GLRA3: variants seen among roughly 807,000 people sequenced by gnomAD.
GLRA3 encodes glycine receptor alpha 3.
GLRA3 carries 44 observed loss-of-function variants against 60.4 expected under a neutral mutation model. The observed-to-expected ratio is 0.73, with a 90% confidence interval of 0.57 to 0.94. The LOEUF (loss-of-function observed/expected upper bound fraction) is 0.94. GLRA3 is among the 40% of genes least tolerant of loss of function. The probability of loss-of-function intolerance (pLI) is 0.00; values close to 1 mark genes in which losing one functional copy is unlikely to be tolerated. For synonymous variants in GLRA3, 223 were observed against 192.9 expected, an observed-to-expected ratio of 1.16 and a Z score of -1.29; for missense variants, 508 against 564.6, an observed-to-expected ratio of 0.90 and a Z score of 1.02.
At chr4:174,827,309 TACAAATTTAACCTCATTG>T (rs568678539) in intron 1 of GLRA3, among the ~76,000 whole-genome samples, 66 of 151,938 alleles carry the variant, frequency 4.3e-4, no homozygotes, top group Middle Eastern at 4.7e-3. Flanking sequence ...ATTGCCATTA[TACAAATTTAACCTCATTG>T]ACCAAAACAT....
chr4:174,804,055 T>C (rs984868042), intron 1 of GLRA3, among the ~76,000 whole-genome samples: 5 of 152,290 alleles, frequency 3.3e-5, no homozygotes, highest in Admixed American at 6.5e-5. Context: ...GGGTTTATAT[T>C]GTTTTGTATT....
chr4:174,778,795 AC>A (rs1183413997), intron 2 of GLRA3, among the ~76,000 whole-genome samples: 7 of 152,152 alleles, frequency 4.6e-5, no homozygotes, highest in Non-Finnish European at 8.8e-5. Flanking sequence ...ACGAGGTTAT[AC>A]CCCGCACCTG....
At chr4:174,814,113 CT>C (rs1305173761) in intron 1 of GLRA3, among the ~76,000 whole-genome samples, 1 of 152,166 alleles carries the variant, frequency 6.6e-6, no homozygotes, top group African/African-American at 2.4e-5. Flanking sequence ...ACAGTGTGCT[CT>C]TTTAGCTTTG....
chr4:174,809,925 T>A (rs762720286), intron 1 of GLRA3, among the ~76,000 whole-genome samples: 2 of 151,944 alleles, frequency 1.3e-5, no homozygotes, highest in Admixed American at 6.6e-5. Flanking sequence ...TAGAAGAAAT[T>A]AAGACTTTTA....
At chr4:174,707,988 T>C (rs1735576178) in intron 5 of GLRA3, among the ~76,000 whole-genome samples, 1 of 152,176 alleles carries the variant, frequency 6.6e-6, no homozygotes, top group East Asian at 1.9e-4. Context: ...TAAGTGGAGA[T>C]TTATTTTATA....
intron 5 of GLRA3, among the ~76,000 whole-genome samples, chr4:174,706,128 G>A (rs576069401): frequency 6.6e-6 from 1 of 152,142 alleles, no homozygotes; most frequent in Non-Finnish European, 1.5e-5. Flanking sequence ...TACTCGGGAG[G>A]CTGAGACAGG....
At chr4:174,648,950 A>C (rs376730263) in intron 9 of GLRA3, among the ~76,000 whole-genome samples, 1 of 152,108 alleles carries the variant, frequency 6.6e-6, no homozygotes, top group African/African-American at 2.4e-5. Flanking sequence ...AGCGGACTCC[A>C]CTAAGGAACC....
chr4:174,820,135 G>A (rs1356089817), intron 1 of GLRA3, among the ~76,000 whole-genome samples: 1 of 152,122 alleles, frequency 6.6e-6, no homozygotes, highest in East Asian at 1.9e-4. Flanking sequence ...GCATAACTGA[G>A]TAAGAAAATG....
At chr4:174,692,147 T>G (rs1452070728) in intron 5 of GLRA3, among the ~76,000 whole-genome samples, 1 of 151,388 alleles carries the variant, frequency 6.6e-6, no homozygotes, top group Admixed American at 6.6e-5. Context: ...GAGGAGCCCC[T>G]CCGCCCAGCA....
intron 7 of GLRA3, among the ~76,000 whole-genome samples, chr4:174,671,448 A>G (rs1435220724): frequency 1.3e-5 from 2 of 152,144 alleles, no homozygotes; most frequent in Non-Finnish European, 2.9e-5. Context: ...CAGTGAATAT[A>G]AATCCTTCAT....
chr4:174,712,756 T>A (rs2111086457), intron 5 of GLRA3: 1 of 152,226 alleles, frequency 6.6e-6, no homozygotes, highest in African/African-American at 2.4e-5. Flanking sequence ...TCCAGTGGGT[T>A]CCACCGATTT....
intron 4 of GLRA3, among the ~76,000 whole-genome samples, chr4:174,719,974 CTT>C (rs749340065): frequency 1.6e-5 from 2 of 123,494 alleles, no homozygotes; most frequent in African/African-American, 5.7e-5. Flanking sequence ...TACAAGTAAA[CTT>C]TAGTTATTTT....
intron 1 of GLRA3, among the ~76,000 whole-genome samples, chr4:174,797,566 A>G (rs1186773498): frequency 1.3e-5 from 2 of 152,302 alleles, no homozygotes; most frequent in African/African-American, 4.8e-5. Flanking sequence ...CTTTAATTTC[A>G]TAAATGTTGG....
intron 2 of GLRA3, among the ~76,000 whole-genome samples, chr4:174,769,388 G>C (rs996004504): frequency 6.6e-6 from 1 of 152,010 alleles, no homozygotes; most frequent in Admixed American, 6.6e-5. Flanking sequence ...AATAGAATAT[G>C]TTATGCTTAC....
intron 7 of GLRA3, among the ~76,000 whole-genome samples, chr4:174,674,434 G>A (rs1734033771): frequency 6.6e-6 from 1 of 152,188 alleles, no homozygotes; most frequent in African/African-American, 2.4e-5. Context: ...GAGTGTTCTT[G>A]CTTTGAGAGA....
chr4:174,672,695 G>A (rs1733955811), intron 7 of GLRA3, among the ~76,000 whole-genome samples: 2 of 152,084 alleles, frequency 1.3e-5, no homozygotes, highest in South Asian at 4.1e-4. Flanking sequence ...AAGAGATACA[G>A]GCACCTCACA....
Position 174,787,177 on chromosome 4 carries a change from T to G in GLRA3, c.199+1639A>C, listed in dbSNP as rs140173982. ...GGCCACTCTTGTGTGGTTGGTAACTTATCTGCAGTTTTATTAAAATAACTG... is the reference window on the plus strand; with the variant it reads ...GGCCACTCTTGTGTGGTTGGTAACTGATCTGCAGTTTTATTAAAATAACTG... On this transcript the variant is annotated intron_variant, in intron 2 of 9. Transcript: ENST00000274093. Among the ~76,000 whole-genome samples the G allele has an allele frequency of 9.9e-5, 15 of 152,276 alleles. No homozygotes were observed. In the East Asian group the frequency reaches 2.9e-3, roughly 29 times the overall value.
At chr4:174,823,608 C>A (rs545159408) in intron 1 of GLRA3, among the ~76,000 whole-genome samples, 1 of 152,134 alleles carries the variant, frequency 6.6e-6, no homozygotes, top group African/African-American at 2.4e-5. Flanking sequence ...GGGTAGGAGA[C>A]AAGTTTGGTG....
chr4:174,763,919 A>G (rs1738036937), intron 3 of GLRA3, among the ~76,000 whole-genome samples: 7 of 152,206 alleles, frequency 4.6e-5, no homozygotes, highest in African/African-American at 1.7e-4. Flanking sequence ...GTCCTTAAAG[A>G]ATCTCATTAT....
Sources: allele counts gnomAD v4.1 joint callset (sites outside exome capture counted in the v4.1 genomes callset), GRCh38; gene constraint gnomAD v4.1.1; transcripts MANE v1.5; gene names NCBI Gene and HGNC (gene_info 2026-07-23, HGNC 2026-07-21).